Variants in B4GALT2 observed in about 807,000 individuals in gnomAD.
B4GALT2 encodes N-acetyllactosamine synthase.
Under a neutral mutation model 33.2 loss-of-function variants are expected in B4GALT2, and 18 were observed. The observed-to-expected ratio is 0.54, with a 90% CI of 0.38 to 0.80. The LOEUF is 0.80. B4GALT2 is among the 30% of genes least tolerant of loss of function. The pLI is 0.00. For synonymous variants in B4GALT2, 214 were observed against 217.6 expected (o/e 0.98, Z 0.15); for missense variants, 404 against 526.2 (o/e 0.77, Z 2.27).
chr1:43,982,466 G>A lies in B4GALT2; in HGVS notation c.549+542G>A, dbSNP rs1409856215. On this transcript the variant is annotated intron_variant, in intron 3 of 6. Coordinates refer to ENST00000372324, the MANE Select transcript of B4GALT2 (RefSeq NM_003780.5). The surrounding 1 kb of genome is among the most constrained non-coding windows in gnomAD (Gnocchi z 4.3). The stretch of plus-strand genomic sequence containing the variant: ...ATGATGGGACACAAGTGGAGGTGGA[G>A]CAGGGGGCCGTGGGAGCACAGAGGG... Among the ~76,000 whole-genome samples the A allele has an allele frequency of 6.6e-6, 1 of 152,148 alleles. No individual in the cohort carries two copies. The highest frequency in any genetic ancestry group is 2.4e-5 in the African/African-American group (1 of 41,428).
chr1:43,981,238 G>A lies in B4GALT2; in HGVS notation c.78G>A (p.Val26=). Residue 26 remains valine, a synonymous_variant, in exon 2 of 7, where the codon GTG becomes GTA. Coordinates refer to ENST00000372324, the MANE Select transcript of B4GALT2 (RefSeq NM_003780.5). The surrounding 1 kb of genome is among the most constrained non-coding windows in gnomAD (Gnocchi z 8.1). ...VLLLCLLHFL[V]AVILYFDVYA... is the part of the protein sequence containing the mutation. Reference sequence around the variant, plus strand: ...TTCTCTGCCTGCTGCACTTCCTCGTGGCCGTCATCCTCTACTTTGACGTCT... The same window carrying A: ...TTCTCTGCCTGCTGCACTTCCTCGTAGCCGTCATCCTCTACTTTGACGTCT... 1 of 1,606,146 alleles carries A rather than the reference G, an allele frequency of 6.2e-7. No individual in the cohort carries two copies. The highest frequency in any genetic ancestry group is 1.1e-5 in the South Asian group (1 of 91,086).
Position 43,985,445 on chromosome 1 carries a change from G to C in B4GALT2, c.863+45G>C, listed in dbSNP as rs759135530. On this transcript the variant is annotated intron_variant, in intron 5 of 6. Transcript: ENST00000372324. ...GGAATAGGCTGGGTGGGGGGGGGAGGGGGGGTGCAGACTGGGTGGGGTTCT... is the reference window on the plus strand; with the variant it reads ...GGAATAGGCTGGGTGGGGGGGGGAGCGGGGGTGCAGACTGGGTGGGGTTCT... 2.6e-4 allele frequency: 220 copies of C among 862,464 alleles called. 10 individuals are homozygous for C. The highest frequency in any genetic ancestry group is 1.1e-3 in the Admixed American group (52 of 46,908). 53.4% of individuals were successfully genotyped at this position (862,464 alleles called of 1,614,324 possible).
intron 6 of B4GALT2, chr1:43,986,039 A>G (rs1415164686): frequency 1.4e-5 from 3 of 219,186 alleles, no homozygotes; most frequent in South Asian, 6.8e-5. Context: ...GGACCTGACA[A>G]AGGGGACCTG....
At chr1:43,990,131 A>C (rs1033805106) in intron 6 of B4GALT2, among the ~76,000 whole-genome samples, 167 bp from the exon 7 acceptor site, 12 of 152,198 alleles carry the variant, frequency 7.9e-5, no homozygotes, top group African/African-American at 2.9e-4. Context: ...TGGGCATAAC[A>C]TGGCATGTTT....
At position 43,981,672 on chromosome 1, in the gene B4GALT2, C is replaced by T; in HGVS notation, c.314-17C>T. The T allele has an allele frequency of 6.3e-7, 1 of 1,593,848 alleles. No homozygotes were observed. The highest frequency in any genetic ancestry group is 8.6e-7 in the Non-Finnish European group (1 of 1,167,450). ...TTCTGGCCAATGCCCTGATTCCTGA[C>T]ACTGTCCTGTCTGCAGTGGGCAGAC... On this transcript the variant is annotated splice_polypyrimidine_tract_variant and intron_variant, in intron 2 of 6. Transcript: ENST00000372324. The surrounding 1 kb of genome is among the most constrained non-coding windows in gnomAD (Gnocchi z 8.1).
At chr1:43,988,849 A>AAC (rs2154303429) in intron 6 of B4GALT2, among the ~76,000 whole-genome samples, 1 of 148,916 alleles carries the variant, frequency 6.7e-6, no homozygotes, top group East Asian at 1.9e-4. Flanking sequence ...TCTGTCTCAA[A>AAC]AAAAAAAAAA....
rs1381160076 is a variant in B4GALT2 at position 43,984,891 on chromosome 1, C to G, written c.576C>G (p.Ala192=). ...NQHGEDTFNR[A]KLLNVGFLEA... ...ATGGTGAGGACACCTTCAACCGGGC[C>G]AAGCTGCTTAACGTGGGCTTCCTAG... Residue 192 remains alanine, a synonymous_variant, in exon 4 of 7, where the codon GCC becomes GCG. Coordinates refer to ENST00000372324, the MANE Select transcript of B4GALT2 (RefSeq NM_003780.5). This position sits in a 1 kb window ranked among gnomAD's most constrained non-coding sequence, Gnocchi z 5.6. The G allele has an allele frequency of 6.2e-7, 1 of 1,613,986 alleles. No individual in the cohort carries two copies. The highest frequency in any genetic ancestry group is 2.2e-5 in the East Asian group (1 of 44,876).
chr1:43,990,465 C>T lies in B4GALT2; in HGVS notation c.*17C>T. The T allele has an allele frequency of 6.2e-7, 1 of 1,613,882 alleles. No individual in the cohort carries two copies. Among genetic ancestry groups the T allele is most frequent in the Non-Finnish European group, 8.5e-7 (1 of 1,179,962 alleles). ...CGGGGCTGACACTAATGGACAGAGG[C>T]TCTCGGTGCCGAAGATTGCCTGCCA... is the stretch of plus-strand genomic sequence containing the variant. On this transcript the variant is annotated 3_prime_UTR_variant, in exon 7 of 7. Transcript: ENST00000372324.
rs1317522682 is a variant in B4GALT2 at position 43,984,237 on chromosome 1, G to A, written c.550-628G>A. Among the ~76,000 whole-genome samples, 1 of 152,268 alleles carries A rather than the reference G, an allele frequency of 6.6e-6. No homozygotes were observed. Among genetic ancestry groups the A allele is most frequent in the Non-Finnish European group, 1.5e-5 (1 of 68,044 alleles). Reference sequence around the variant, plus strand: ...CAGACCTGTCCTGGTCTCAGAGGCTGCCCAGGCAGCCGGATGCAGCTCCAG... The same window carrying A: ...CAGACCTGTCCTGGTCTCAGAGGCTACCCAGGCAGCCGGATGCAGCTCCAG... On this transcript the variant is annotated intron_variant, in intron 3 of 6. Transcript: ENST00000372324. The surrounding 1 kb of genome is among the most constrained non-coding windows in gnomAD (Gnocchi z 5.6).
chr1:43,986,397 G>C (rs2085659876), intron 6 of B4GALT2, among the ~76,000 whole-genome samples: 1 of 152,208 alleles, frequency 6.6e-6, no homozygotes, highest in African/African-American at 2.4e-5. Context: ...CCTGGAGGAG[G>C]TGATGGTAAC....
rs959872350 is a variant in B4GALT2, at chr1:43,981,481, T to C, written c.313+8T>C. ...ACTCGCCACCTGGTCTTGGTGAGCC[T>C]GGAGGGTAGGGCCTGCCTGTGGGGA... On this transcript the variant is annotated splice_region_variant and intron_variant, in intron 2 of 6. Transcript: ENST00000372324. The surrounding 1 kb of genome is among the most constrained non-coding windows in gnomAD (Gnocchi z 8.1). 3 of 1,565,650 alleles carry C rather than the reference T, an allele frequency of 1.9e-6. No homozygotes were observed. In the Middle Eastern group the frequency reaches 5.7e-4, roughly 296 times the overall value.
At chr1:43,983,895 C>T (rs988116639) in intron 3 of B4GALT2, among the ~76,000 whole-genome samples, 1 of 152,118 alleles carries the variant, frequency 6.6e-6, no homozygotes, top group Non-Finnish European at 1.5e-5. Flanking sequence ...GGAGCAGCTC[C>T]CACCTCTTCT....
chr1:43,988,824 G>A (rs970520096), intron 6 of B4GALT2, among the ~76,000 whole-genome samples: 2 of 130,746 alleles, frequency 1.5e-5, no homozygotes, highest in Admixed American at 1.7e-4. Context: ...TCCAGCCTAG[G>A]CAACAGAGCA....
intron 3 of B4GALT2, among the ~76,000 whole-genome samples, chr1:43,983,072 C>T (rs532201384): frequency 2.6e-5 from 4 of 152,272 alleles, no homozygotes; most frequent in African/African-American, 9.6e-5. Context: ...GATGGGGACA[C>T]AGGAGCTGGG....
Position 43,981,976 on chromosome 1 carries a change from GCGTTTGTGGGTC to G in B4GALT2, c.549+54_549+65del, listed in dbSNP as rs747674078. 57 of 1,565,502 alleles carry G rather than the reference GCGTTTGTGGGTC, an allele frequency of 3.6e-5. No individual in the cohort carries two copies. In the East Asian group the frequency reaches 1.2e-3, roughly 32 times the overall value. On this transcript the variant is annotated intron_variant, in intron 3 of 6. Transcript: ENST00000372324. The surrounding 1 kb of genome is among the most constrained non-coding windows in gnomAD (Gnocchi z 8.1). ...GTTGGTGTATATATGTGGGTTGGGGGCGTTTGTGGGTCCTTGTCTGCCCGTGTGGATATGTGG... is the reference window on the plus strand; with the variant it reads ...GTTGGTGTATATATGTGGGTTGGGGGCTTGTCTGCCCGTGTGGATATGTGG...
At chr1:43,985,097 C>T (rs768266990) in intron 4 of B4GALT2, 42 bp downstream of exon 4, 2 of 1,602,792 alleles carry the variant, frequency 1.2e-6, no homozygotes, top group Non-Finnish European at 1.7e-6. Flanking sequence ...CTCCTGCCCC[C>T]ACCAGACGCA....
At chr1:43,985,955 T>C in intron 6 of B4GALT2, 1 of 357,698 alleles carries the variant, frequency 2.8e-6, no homozygotes, top group Non-Finnish European at 5.3e-6. Context: ...CTCGAAGACC[T>C]CACTTGTGCA....
Position 43,985,436 on chromosome 1 carries a change from G to C in B4GALT2, c.863+36G>C, listed in dbSNP as rs535592648. On this transcript the variant is annotated intron_variant, in intron 5 of 6. Coordinates refer to ENST00000372324, the MANE Select transcript of B4GALT2 (RefSeq NM_003780.5). ...ACGCGGTGGGGAATAGGCTGGGTGG[G>C]GGGGGGAGGGGGGGTGCAGACTGGG... 1.3e-4 allele frequency: 97 copies of C among 773,508 alleles called. 1 individual carries two copies. The highest frequency in any genetic ancestry group is 2.4e-4 in the South Asian group (15 of 62,232). The allele number at this position is 773,508 out of a possible 1,614,324, so 47.9% of individuals were successfully genotyped here.
intron 6 of B4GALT2, among the ~76,000 whole-genome samples, chr1:43,988,340 GTC>G (rs2085682284): frequency 7.6e-6 from 1 of 131,178 alleles, no homozygotes; most frequent in South Asian, 2.4e-4. Flanking sequence ...GTGAAACCTT[GTC>G]TCTACCAAAA....
Sources: allele counts gnomAD v4.1 joint callset (sites outside exome capture counted in the v4.1 genomes callset), GRCh38; gene constraint gnomAD v4.1.1; non-coding constraint Gnocchi (gnomAD v3.1); transcripts MANE v1.5; gene names NCBI Gene and HGNC (gene_info 2026-07-23, HGNC 2026-07-21).